The following STARD13 variants were observed in gnomAD, a reference collection of about 807,000 sequenced individuals.
The protein encoded by STARD13 is StAR related lipid transfer domain containing 13, also known as stAR-related lipid transfer protein 13.
STARD13 carries 62 observed loss-of-function variants against 106.4 expected under a neutral mutation model. The observed-to-expected ratio is 0.58, with a 90% CI of 0.48 to 0.72. STARD13 has a LOEUF of 0.72. STARD13 is among the 30% of genes least tolerant of loss of function. The pLI, the probability that STARD13 is intolerant of heterozygous loss-of-function variation, is 0.00. For missense variants in STARD13, 1,387 were observed against 1,424.0 expected, an observed-to-expected ratio of 0.97 and a Z score of 0.42; for synonymous variants, 565 against 553.0, an observed-to-expected ratio of 1.02 and a Z score of -0.31.
At chr13:33,224,214 AC>A (rs1393846909) in intron 1 of STARD13, among the ~76,000 whole-genome samples, 1 of 152,216 alleles carries the variant, frequency 6.6e-6, no homozygotes, top group Non-Finnish European at 1.5e-5. Flanking sequence ...GGTAGGAAAC[AC>A]CAGGTAGCCA....
the STARD13 span, among the ~76,000 whole-genome samples, chr13:33,566,976 T>G: frequency 6.7e-6 from 1 of 148,388 alleles, no homozygotes; most frequent in African/African-American, 2.5e-5. Context: ...CAGTAATTTC[T>G]TACTCCTCTA....
intron 3 of STARD13, among the ~76,000 whole-genome samples, chr13:33,148,856 G>T (rs1185559863): frequency 6.6e-6 from 1 of 152,122 alleles, no homozygotes; most frequent in Non-Finnish European, 1.5e-5. Context: ...GTCCATGTGG[G>T]CAATAGAATG....
chr13:33,199,240 C>T (rs150611812), intron 1 of STARD13, among the ~76,000 whole-genome samples: 76 of 152,330 alleles, frequency 5.0e-4, no homozygotes, highest in African/African-American at 1.7e-3. Context: ...CCCCTGATTA[C>T]AACAAAAATC....
intron 1 of STARD13, among the ~76,000 whole-genome samples, chr13:33,315,405 T>C (rs1487257659): frequency 6.6e-6 from 1 of 152,226 alleles, no homozygotes; most frequent in Non-Finnish European, 1.5e-5. Context: ...AGCACAGCTG[T>C]GAATTTATTT....
intron 1 of STARD13, among the ~76,000 whole-genome samples, chr13:33,269,877 T>TA: frequency 6.6e-6 from 1 of 152,176 alleles, no homozygotes; most frequent in Non-Finnish European, 1.5e-5. Context: ...ATCAAATATA[T>TA]AAAAAATATT....
intron 4 of STARD13, among the ~76,000 whole-genome samples, chr13:33,134,525 G>A (rs9315205): frequency 0.21 from 32,494 of 152,092 alleles, 3,585 homozygotes; most frequent in Middle Eastern, 0.32. Flanking sequence ...TGAATGGGCC[G>A]GAACTCCTGT....
the STARD13 span, among the ~76,000 whole-genome samples, chr13:33,528,261 T>TATATATATAC: frequency 4.7e-5 from 6 of 128,278 alleles, no homozygotes; most frequent in African/African-American, 1.8e-4. Flanking sequence ...TATATACATA[T>TATATATATAC]ATATATATAT....
intron 12 of STARD13, 70 bp downstream of exon 12, chr13:33,109,803 A>C (rs1874265020): frequency 6.9e-7 from 1 of 1,441,104 alleles, no homozygotes; most frequent in African/African-American, 1.4e-5. Flanking sequence ...ACACCAGGAG[A>C]AGTGCTCACA....
At chr13:33,349,867 A>G (rs2078055486) in intron 1 of STARD13, among the ~76,000 whole-genome samples, 1 of 152,130 alleles carries the variant, frequency 6.6e-6, no homozygotes, top group African/African-American at 2.4e-5. Context: ...CATTCAGTGG[A>G]TGTGTCCCAC....
At chr13:33,277,960 C>T (rs1891539479) in intron 1 of STARD13, 1 of 152,138 alleles carries the variant, frequency 6.6e-6, no homozygotes, top group African/African-American at 2.4e-5. Flanking sequence ...ACATAGAATA[C>T]TTGCAATGTT....
chr13:33,564,206 C>CAA, the STARD13 span, among the ~76,000 whole-genome samples: 77 of 53,458 alleles, frequency 1.4e-3, no homozygotes, highest in African/African-American at 1.9e-3. Context: ...GACTGTATCT[C>CAA]AAAAAAAAAA....
At chr13:33,616,996 T>C in the STARD13 span, among the ~76,000 whole-genome samples, 1 of 152,180 alleles carries the variant, frequency 6.6e-6, no homozygotes. Context: ...ATAATGAGGA[T>C]AGGGTACATC....
chr13:33,449,833 T>C, the STARD13 span, among the ~76,000 whole-genome samples: 1 of 152,200 alleles, frequency 6.6e-6, no homozygotes, highest in African/African-American at 2.4e-5. Context: ...TCCTAGGTAA[T>C]TTTTTGTAGC....
chr13:33,311,129 TAAA>T lies in STARD13; in HGVS notation c.124+39158_124+39160del, dbSNP rs35391177. ...GGCAACATAATAAGACACCATTTCT[TAAA>T]AAAAAAAAAAAAAAAATAGTTGGGT... On this transcript the variant is annotated intron_variant, in intron 1 of 5. Coordinates refer to the STARD13 transcript ENST00000567873. Among the ~76,000 whole-genome samples, 1,066 of 128,416 alleles carry T rather than the reference TAAA, an allele frequency of 8.3e-3. 12 individuals are homozygous for T. Among genetic ancestry groups the T allele is most frequent in the African/African-American group, 0.028 (1,001 of 35,522 alleles). 84.2% of individuals were successfully genotyped at this position (128,416 alleles called of 152,430 possible).
chr13:33,593,481 C>A, the STARD13 span, among the ~76,000 whole-genome samples: 1 of 152,168 alleles, frequency 6.6e-6, no homozygotes, highest in African/African-American at 2.4e-5. Flanking sequence ...CCGTGCCCTG[C>A]CAGATGTTTA....
chr13:33,547,305 TTC>T, the STARD13 span, among the ~76,000 whole-genome samples: 1 of 152,220 alleles, frequency 6.6e-6, no homozygotes, highest in Non-Finnish European at 1.5e-5. Context: ...TTAAGCAAAT[TTC>T]TGTTAAACAC....
intron 1 of STARD13, among the ~76,000 whole-genome samples, chr13:33,277,052 A>AG (rs1445211928): frequency 3.9e-4 from 20 of 51,598 alleles, no homozygotes; most frequent in Non-Finnish European, 1.1e-3. Context: ...GCTTCTGAAA[A>AG]AAAAAAAAGA....
At chr13:33,675,492 A>G in the STARD13 span, among the ~76,000 whole-genome samples, 2 of 152,154 alleles carry the variant, frequency 1.3e-5, no homozygotes, top group Admixed American at 6.5e-5. Context: ...GTAGGAGAGA[A>G]CCTGTGTCAT....
chr13:33,319,904 G>A lies in STARD13; in HGVS notation c.124+30386C>T, dbSNP rs543839360. On this transcript the variant is annotated intron_variant, in intron 1 of 5. Coordinates refer to the STARD13 transcript ENST00000567873. ...TAGATGAGGCTCTATAGCATGATAC[G>A]GAACCATACCATCCAAGTTCAAAGC... is the stretch of plus-strand genomic sequence containing the variant. Among the ~76,000 whole-genome samples, 121 of 152,274 alleles carry A rather than the reference G, an allele frequency of 7.9e-4. 1 individual carries two copies. Among genetic ancestry groups the A allele is most frequent in the Middle Eastern group, 3.4e-3 (1 of 294 alleles).
Sources: allele counts gnomAD v4.1 joint callset (sites outside exome capture counted in the v4.1 genomes callset), GRCh38; gene constraint gnomAD v4.1.1; transcripts MANE v1.5; gene names NCBI Gene and HGNC (gene_info 2026-07-23, HGNC 2026-07-21).